Variants in IL32 observed in about 807,000 individuals in gnomAD.
IL32 encodes interleukin-32.
IL32 carries 30 observed loss-of-function variants against 16.6 expected under a neutral mutation model. That is an observed-to-expected ratio of 1.81 (90% CI 1.35 to 2.45). IL32 has a LOEUF of 2.45. IL32 is among the 30% of genes most tolerant of loss of function. The probability of loss-of-function intolerance (pLI) is 0.00; values close to 1 mark genes in which losing one functional copy is unlikely to be tolerated. For synonymous variants in IL32, 70 were observed against 86.1 expected (o/e 0.81, Z 1.03); for missense variants, 234 against 229.8 (o/e 1.02, Z -0.12).
chr16:3,066,199 C>A (rs1567138293), intron 2 of IL32, among the ~76,000 whole-genome samples: 1 of 152,088 alleles, frequency 6.6e-6, no homozygotes. Flanking sequence ...GTCTCTTCCT[C>A]CTTTCCTGGG....
At chr16:3,067,793 G>A (rs1332427761) in intron 4 of IL32, 180 bp downstream of exon 4, 2 of 798,904 alleles carry the variant, frequency 2.5e-6, no homozygotes, top group Admixed American at 2.3e-5. Context: ...TGGACGCCCG[G>A]GGAGACTGAG....
Position 3,065,768 on chromosome 16 carries a change from T to A in IL32, c.-28-16T>A. On this transcript the variant is annotated splice_polypyrimidine_tract_variant and intron_variant, in intron 1 of 6. Transcript: ENST00000525643. ...TGAGACACTTTCTTTTCCTCACACC[T>A]GTTCCTCGCCAGCAGGCCTTGGCTC... 2 of 1,613,768 alleles carry A rather than the reference T, an allele frequency of 1.2e-6. No homozygotes were observed. Among genetic ancestry groups the A allele is most frequent in the Non-Finnish European group, 1.7e-6 (2 of 1,179,666 alleles).
intron 4 of IL32, 31 bp from the exon 5 acceptor site, chr16:3,067,953 G>T (rs377701260): frequency 3.7e-5 from 60 of 1,613,678 alleles, no homozygotes; most frequent in Admixed American, 6.7e-5. Flanking sequence ...AGGAGGCTTG[G>T]GCCTGGAACC....
chr16:3,067,890 G>T, intron 4 of IL32, 94 bp from the exon 5 acceptor site: 3 of 1,427,152 alleles, frequency 2.1e-6, no homozygotes, highest in South Asian at 2.3e-5. Flanking sequence ...AGTTCGGGGT[G>T]TGTGGGAGCT....
At position 3,067,531 on chromosome 16, in the gene IL32, G is replaced by A. The variant is rs752233130; in HGVS notation, c.55-23G>A. ...AGGGACAAGGATCCGGCCCTTTGGTGCCAACTCTGCCTCTCTTCACAGCAC... is the reference window on the plus strand; with the variant it reads ...AGGGACAAGGATCCGGCCCTTTGGTACCAACTCTGCCTCTCTTCACAGCAC... On this transcript the variant is annotated intron_variant, in intron 3 of 6. Coordinates refer to ENST00000525643, the MANE Select transcript of IL32 (RefSeq NM_001376923.1). 1.9e-6 allele frequency: 3 copies of A among 1,614,042 alleles called. No individual in the cohort carries two copies. In the Admixed American group the frequency reaches 5.0e-5, roughly 27 times the overall value.
At chr16:3,067,013 G>GGGCCTGCCCAGCTGAGCCGGC (rs1567140820) in intron 2 of IL32, among the ~76,000 whole-genome samples, 1 of 68,910 alleles carries the variant, frequency 1.5e-5, no homozygotes, top group Non-Finnish European at 3.3e-5. Context: ...CCCTGCTCTT[G>GGGCCTGCCCAGCTGAGCCGGC]TGAGGAGGGG....
intron 2 of IL32, among the ~76,000 whole-genome samples, chr16:3,066,848 G>A (rs985377873): frequency 5.9e-5 from 9 of 152,080 alleles, no homozygotes; most frequent in African/African-American, 1.9e-4. Flanking sequence ...GCCTGCTCCA[G>A]GACAGTGTCC....
At chr16:3,066,752 T>C (rs1027926541) in intron 2 of IL32, among the ~76,000 whole-genome samples, 2 of 152,200 alleles carry the variant, frequency 1.3e-5, no homozygotes, top group Non-Finnish European at 2.9e-5. Context: ...TGCTGTTACC[T>C]TCTCAATTGT....
chr16:3,067,406 G>C lies in IL32; in HGVS notation c.45G>C (p.Lys15Asn), dbSNP rs547829248. The change falls in exon 3 of 7, where the codon AAG becomes AAC. Residue 15 changes from lysine (K) to asparagine (N), a missense_variant. Physicochemically the swap from Lys to Asn is moderately conservative, Grantham distance 94 (BLOSUM62 0). Transcript: ENST00000525643. ...TCTCTGATGACATGAAGAAGCTGAAGGCCCGAATGGTAATGCTCCTCCCTA... is the reference window on the plus strand; with the variant it reads ...TCTCTGATGACATGAAGAAGCTGAACGCCCGAATGGTAATGCTCCTCCCTA... Reference protein sequence around the residue: ...KVLSDDMKKLKARMHQAIERF... With the variant: ...KVLSDDMKKLNARMHQAIERF... 6.4e-7 allele frequency: 1 copy of C among 1,570,092 alleles called. No homozygotes were observed. The highest frequency in any genetic ancestry group is 2.3e-5 in the East Asian group (1 of 44,354).
intron 2 of IL32, among the ~76,000 whole-genome samples, chr16:3,067,067 C>T (rs1427633694): frequency 1.1e-5 from 1 of 95,078 alleles, no homozygotes; most frequent in African/African-American, 3.5e-5. Flanking sequence ...GGAGGGGTCA[C>T]CTAGGCCCAC....
At chr16:3,067,306 TG>T in intron 2 of IL32, 70 bp from the exon 3 acceptor site, 1 of 741,546 alleles carries the variant, frequency 1.3e-6, no homozygotes, top group Non-Finnish European at 2.3e-6. Context: ...TGTGTGTGTG[TG>T]TGTATAAATT....
At position 3,067,285 on chromosome 16, in the gene IL32, G is replaced by GTGTGTGTGTGTGTCTC. The variant is rs1956472949; in HGVS notation, c.16-79_16-78insCTCTGTGTGTGTGTGT. ...GCCATGTGTCTCTGTGTGTGTGTGTGTGTGTGTGTGTGTGTGTGTGTGTGT... is the reference window on the plus strand; with the variant it reads ...GCCATGTGTCTCTGTGTGTGTGTGTGTGTGTGTGTGTGTCTCTGTGTGTGTGTGTGTGTGTGTGTGT... On this transcript the variant is annotated intron_variant, in intron 2 of 6. Transcript: ENST00000525643. The GTGTGTGTGTGTGTCTC allele has an allele frequency of 9.2e-6, 5 of 544,516 alleles. No homozygotes were observed. The East Asian group carries it at 9.7e-5, about 11-fold the overall frequency. 33.7% of individuals were successfully genotyped at this position (544,516 alleles called of 1,614,324 possible). A position where few individuals can be genotyped will look rare whatever the true frequency, so the allele number is the denominator to read the frequency against.
intron 2 of IL32, among the ~76,000 whole-genome samples, chr16:3,066,119 C>T (rs983172650): frequency 6.6e-5 from 10 of 152,234 alleles, no homozygotes; most frequent in East Asian, 1.9e-4. Flanking sequence ...GGAAACGACT[C>T]GGAGAATGCT....
intron 2 of IL32, 84 bp from the exon 3 acceptor site, chr16:3,067,293 G>GTGTGTGTGTA: frequency 1.4e-6 from 1 of 690,110 alleles, no homozygotes; most frequent in Non-Finnish European, 2.5e-6. Flanking sequence ...GTGTGTGTGT[G>GTGTGTGTGTA]TGTGTGTGTG....
rs1387232574 is a variant in IL32, at chr16:3,069,237, G to C, written c.449G>C (p.Ser150Thr). 1 of 1,614,140 alleles carries C rather than the reference G, an allele frequency of 6.2e-7. No individual in the cohort carries two copies. The highest frequency in any genetic ancestry group is 1.7e-5 in the Admixed American group (1 of 60,016). Residue 150 changes from serine to threonine, a missense_variant, in exon 7 of 7, where the codon AGT becomes ACT. Around this residue, in one of 3 missense-constraint regions of IL32, gnomAD observed 53 missense variants for 46.1 expected, o/e 1.15. Transcript: ENST00000525643. Reference sequence around the variant, plus strand: ...CAGGCCCTCTGGAAACAGTTCCAGAGTTTCTGCTGCTCTCTGTCAGAGCTC... The same window carrying C: ...CAGGCCCTCTGGAAACAGTTCCAGACTTTCTGCTGCTCTCTGTCAGAGCTC... Reference protein sequence around the residue: ...AVQALWKQFQSFCCSLSELFM... With the variant: ...AVQALWKQFQTFCCSLSELFM...
intron 5 of IL32, 43 bp downstream of exon 5, chr16:3,068,053 C>T: frequency 1.2e-6 from 2 of 1,612,748 alleles, no homozygotes; most frequent in South Asian, 1.1e-5. Flanking sequence ...GTCCCTGGGT[C>T]TTAGGCTCCA....
chr16:3,068,616 C>T, intron 6 of IL32: 3 of 414,882 alleles, frequency 7.2e-6, no homozygotes, highest in South Asian at 6.6e-5. Flanking sequence ...CAGCCAACCC[C>T]TGCCCTGTCT....
chr16:3,067,271 CTGTGTGTGTGTGT>C (rs1956458686), intron 2 of IL32, 93 bp from the exon 3 acceptor site: 18 of 603,558 alleles, frequency 3.0e-5, no homozygotes, highest in South Asian at 1.3e-4. Context: ...CCATGTGTCT[CTGTGTGTGTGTGT>C]GTGTGTGTGT....
At chr16:3,067,336 A>G in intron 2 of IL32, 41 bp from the exon 3 acceptor site, 1 of 1,155,664 alleles carries the variant, frequency 8.7e-7, no homozygotes, top group Non-Finnish European at 1.2e-6. Flanking sequence ...GGAAAGGTTA[A>G]GGTGACACAT....
Sources: gnomAD v4.1 joint callset for allele counts (sites outside exome capture counted in the v4.1 genomes callset) on GRCh38, gnomAD v4.1.1 for gene constraint, gnomAD v4.1.1 regional missense constraint, MANE v1.5 for transcripts, NCBI Gene and HGNC (gene_info 2026-07-23, HGNC 2026-07-21) for gene names.